Variants in OPCML observed in about 807,000 individuals in gnomAD.
The protein encoded by OPCML is opioid binding protein/cell adhesion molecule like.
A neutral mutation model predicts 37.8 loss-of-function variants in OPCML; 13 were observed. That is an observed-to-expected ratio of 0.34 (90% CI 0.22 to 0.55). The LOEUF is 0.55. Among genes scored for constraint, OPCML ranks in the 20% least tolerant of loss-of-function variants. The pLI, the probability that OPCML is intolerant of heterozygous loss-of-function variation, is 0.91. For missense variants in OPCML, 341 were observed against 435.6 expected (o/e 0.78, Z 1.93); for synonymous variants, 176 against 168.8 (o/e 1.04, Z -0.33).
chr11:133,319,291 T>C lies in OPCML; in HGVS notation c.61+212973A>G, dbSNP rs149935564. Among the ~76,000 whole-genome samples, 673 of 152,294 alleles carry C rather than the reference T, an allele frequency of 4.4e-3. 6 individuals carry two copies. Among genetic ancestry groups the C allele is most frequent in the African/African-American group, 0.015 (614 of 41,564 alleles). On this transcript the variant is annotated intron_variant, in intron 1 of 7. Coordinates refer to ENST00000524381, the MANE Select transcript of OPCML (RefSeq NM_001012393.5). ...GTGCACCCAGGTGAGATGGAAAATG[T>C]GAATGAAAAATCAGAGCATCTTTTC...
chr11:133,207,058 C>T (rs1348609600), intron 1 of OPCML, among the ~76,000 whole-genome samples: 6 of 144,682 alleles, frequency 4.1e-5, no homozygotes, highest in African/African-American at 7.7e-5. Context: ...GAGGCCGAGG[C>T]GGGCGGATCT....
chr11:133,234,416 C>T (rs986817821), intron 1 of OPCML, among the ~76,000 whole-genome samples: 8 of 152,204 alleles, frequency 5.3e-5, no homozygotes, highest in Admixed American at 2.0e-4. Flanking sequence ...CTTTTTAAAC[C>T]TAACCACCAT....
At chr11:132,803,840 G>A (rs1322386756) in intron 2 of OPCML, among the ~76,000 whole-genome samples, 2 of 152,176 alleles carry the variant, frequency 1.3e-5, no homozygotes, top group Non-Finnish European at 2.9e-5. Context: ...TTAGAGTGCT[G>A]TTGTAAGAAT....
chr11:132,853,525 T>A (rs927395988), intron 2 of OPCML, among the ~76,000 whole-genome samples: 10 of 152,192 alleles, frequency 6.6e-5, no homozygotes, highest in Non-Finnish European at 1.0e-4. Flanking sequence ...TTAGTATAAA[T>A]AGAGTTGTGC....
chr11:132,966,655 C>T (rs1946220968), intron 1 of OPCML, among the ~76,000 whole-genome samples: 1 of 152,006 alleles, frequency 6.6e-6, no homozygotes, highest in African/African-American at 2.4e-5. Flanking sequence ...GTACTAAAAT[C>T]CTCAATTATT....
intron 1 of OPCML, among the ~76,000 whole-genome samples, chr11:133,262,973 T>C (rs186720771): frequency 9.2e-5 from 14 of 151,876 alleles, no homozygotes; most frequent in Non-Finnish European, 1.5e-4. Context: ...CCTAGACTTC[T>C]GGGAATAAAA....
chr11:132,872,242 G>T (rs970804592), intron 2 of OPCML, among the ~76,000 whole-genome samples: 7 of 152,166 alleles, frequency 4.6e-5, no homozygotes, highest in Non-Finnish European at 8.8e-5. Flanking sequence ...AATATAACCT[G>T]CATATAACTC....
intron 3 of OPCML, among the ~76,000 whole-genome samples, chr11:132,584,971 G>T (rs1322979940): frequency 6.6e-6 from 1 of 152,168 alleles, no homozygotes; most frequent in Non-Finnish European, 1.5e-5. Flanking sequence ...CCTATGACTG[G>T]CCCAGCCTTC....
intron 1 of OPCML, among the ~76,000 whole-genome samples, chr11:133,144,271 C>T (rs1410395832): frequency 6.6e-6 from 1 of 152,250 alleles, no homozygotes; most frequent in African/African-American, 2.4e-5. Context: ...GCGACCATGG[C>T]ACTCCCTGCC....
intron 3 of OPCML, among the ~76,000 whole-genome samples, chr11:132,545,363 T>G (rs1317848883): frequency 6.6e-6 from 1 of 152,220 alleles, no homozygotes; most frequent in African/African-American, 2.4e-5. Flanking sequence ...ACAGGTTTGA[T>G]GGAGAACATT....
intron 1 of OPCML, among the ~76,000 whole-genome samples, chr11:133,249,688 G>C (rs1941062755): frequency 6.6e-6 from 1 of 152,282 alleles, no homozygotes; most frequent in East Asian, 1.9e-4. Flanking sequence ...ATCTGCCAGA[G>C]CTGCCAATAA....
intron 1 of OPCML, among the ~76,000 whole-genome samples, chr11:133,434,798 G>GTGTA (rs1555158165): frequency 4.7e-5 from 6 of 129,004 alleles, no homozygotes; most frequent in Non-Finnish European, 1.0e-4. Context: ...TTATATATAT[G>GTGTA]TATATATATA....
At chr11:132,616,317 G>A (rs1454890205) in intron 3 of OPCML, among the ~76,000 whole-genome samples, 1 of 152,166 alleles carries the variant, frequency 6.6e-6, no homozygotes, top group African/African-American at 2.4e-5. Flanking sequence ...TTAGTAAAAT[G>A]TATAGCTGGC....
intron 2 of OPCML, among the ~76,000 whole-genome samples, chr11:132,679,948 AAAG>A (rs1446666006): frequency 2.6e-5 from 4 of 152,208 alleles, no homozygotes; most frequent in African/African-American, 9.6e-5. Flanking sequence ...GTGCATTCTC[AAAG>A]AAGGACTTTT....
At position 133,111,097 on chromosome 11, in the gene OPCML, A is replaced by T. The variant is rs200368760; in HGVS notation, c.62-168087T>A. Among the ~76,000 whole-genome samples the T allele has an allele frequency of 7.9e-5, 12 of 152,312 alleles. No homozygotes were observed. In the East Asian group the frequency reaches 2.1e-3, roughly 27 times the overall value. On this transcript the variant is annotated intron_variant, in intron 1 of 7. Coordinates refer to ENST00000524381, the MANE Select transcript of OPCML (RefSeq NM_001012393.5). Reference sequence around the variant, plus strand: ...TTTCTGGGTCAAAGTTAGCAACATTATTCTCCTCCTCTAAGCCAGTTTGTT... The same window carrying T: ...TTTCTGGGTCAAAGTTAGCAACATTTTTCTCCTCCTCTAAGCCAGTTTGTT...
chr11:132,638,628 C>G (rs1294454364), intron 3 of OPCML, among the ~76,000 whole-genome samples: 1 of 152,122 alleles, frequency 6.6e-6, no homozygotes, highest in East Asian at 1.9e-4. Context: ...TCTGATTGGC[C>G]TTTTGAGATG....
intron 1 of OPCML, among the ~76,000 whole-genome samples, chr11:133,195,829 A>G (rs1938514546): frequency 1.3e-5 from 2 of 152,224 alleles, no homozygotes; most frequent in Admixed American, 6.5e-5. Flanking sequence ...AACACATAGT[A>G]TATGCTCAAT....
At chr11:132,757,914 G>C (rs931948892) in intron 2 of OPCML, among the ~76,000 whole-genome samples, 2 of 152,032 alleles carry the variant, frequency 1.3e-5, no homozygotes, top group Non-Finnish European at 2.9e-5. Flanking sequence ...TTTCTTCTAG[G>C]TTTTTTTATG....
At chr11:132,765,279 T>G (rs890316199) in intron 2 of OPCML, among the ~76,000 whole-genome samples, 3 of 152,238 alleles carry the variant, frequency 2.0e-5, no homozygotes, top group Non-Finnish European at 4.4e-5. Context: ...GAGTAATAAG[T>G]AAACAAGACG....
Sources: allele counts gnomAD v4.1 joint callset (sites outside exome capture counted in the v4.1 genomes callset), GRCh38; gene constraint gnomAD v4.1.1; transcripts MANE v1.5; gene names NCBI Gene and HGNC (gene_info 2026-07-23, HGNC 2026-07-21).